KIF26B: variants seen among roughly 807,000 people sequenced by gnomAD.
KIF26B encodes kinesin family member 26B.
In KIF26B, 63 loss-of-function variants were observed where a neutral mutation model predicts 151.2. That is an observed-to-expected ratio of 0.42 (90% confidence interval 0.34 to 0.51). The LOEUF (loss-of-function observed/expected upper bound fraction) is 0.51, where lower values mean the gene tolerates loss of function less well. Among genes scored for constraint, KIF26B ranks in the 20% least tolerant of loss-of-function variants. KIF26B has a pLI of 0.07. For synonymous variants in KIF26B, 1,357 were observed against 1,262.1 expected (o/e 1.08, Z -1.59); for missense variants, 2,813 against 2,913.6 (o/e 0.97, Z 0.79).
intron 5 of KIF26B, among the ~76,000 whole-genome samples, chr1:245,592,203 C>T (rs1450002123): frequency 6.6e-6 from 1 of 152,226 alleles, no homozygotes; most frequent in African/African-American, 2.4e-5. Context: ...CATCGCTGCT[C>T]ATTATTTGCT....
At chr1:245,678,590 A>G (rs180738953) in intron 10 of KIF26B, among the ~76,000 whole-genome samples, 107 of 152,238 alleles carry the variant, frequency 7.0e-4, no homozygotes, top group East Asian at 2.1e-3. Context: ...CAGGCCTGGC[A>G]CAGTGGCTCA....
rs187377483 is a variant in KIF26B at position 245,684,678 on chromosome 1, C to T, written c.2421+283C>T. Among the ~76,000 whole-genome samples, 112 of 152,296 alleles carry T rather than the reference C, an allele frequency of 7.4e-4. 1 individual carries two copies. Among genetic ancestry groups the T allele is most frequent in the Non-Finnish European group, 9.0e-4 (61 of 68,008 alleles). ...CGCTTTAGAGAGTACAAATGGATTGCTACCTCAAGAGGAAAAACGTTGGAG... is the reference window on the plus strand; with the variant it reads ...CGCTTTAGAGAGTACAAATGGATTGTTACCTCAAGAGGAAAAACGTTGGAG... On this transcript the variant is annotated intron_variant, in intron 11 of 14. Transcript: ENST00000407071.
chr1:245,575,013 C>T (rs1343982508), intron 5 of KIF26B, among the ~76,000 whole-genome samples: 11 of 151,014 alleles, frequency 7.3e-5, no homozygotes, highest in Non-Finnish European at 1.2e-4. Flanking sequence ...TACAGGCGCC[C>T]GCCACCACAC....
At chr1:245,423,120 A>AGG (rs751875220) in intron 4 of KIF26B, among the ~76,000 whole-genome samples, 1 of 146,082 alleles carries the variant, frequency 6.8e-6, no homozygotes, top group Non-Finnish European at 1.5e-5. Context: ...AAAAAAGGAA[A>AGG]GAAAGAAAGA....
rs1344075930 is a variant in KIF26B, at chr1:245,239,439, G to A, written c.465+82756G>A. ...TATCAAAAACTTAATGCCATTAATA[G>A]GTGAAGAACACATTTTTGATTCATT... On this transcript the variant is annotated intron_variant, in intron 2 of 14. Transcript: ENST00000407071. The surrounding 1 kb of genome is among the most constrained non-coding windows in gnomAD (Gnocchi z 4.3). 6.6e-6 allele frequency among the ~76,000 whole-genome samples: 1 copy of A among 152,118 alleles called. No individual in the cohort carries two copies. Among genetic ancestry groups the A allele is most frequent in the Non-Finnish European group, 1.5e-5 (1 of 68,014 alleles).
intron 3 of KIF26B, among the ~76,000 whole-genome samples, chr1:245,391,364 A>C (rs916878021): frequency 6.6e-6 from 1 of 152,198 alleles, no homozygotes; most frequent in Non-Finnish European, 1.5e-5. Flanking sequence ...CAGTTATCTG[A>C]ATACTCCTAT....
chr1:245,528,639 C>T (rs1661295295), intron 4 of KIF26B, among the ~76,000 whole-genome samples: 2 of 152,342 alleles, frequency 1.3e-5, no homozygotes, highest in African/African-American at 2.4e-5. Flanking sequence ...CACGTGGCAT[C>T]AAAGGCAGTT....
intron 2 of KIF26B, among the ~76,000 whole-genome samples, chr1:245,326,396 C>A (rs1031504000): frequency 1.3e-5 from 2 of 152,210 alleles, no homozygotes; most frequent in African/African-American, 4.8e-5. Context: ...TTTGTTCAGC[C>A]TCTCACAAAT....
rs935826110 is a variant in KIF26B at position 245,572,332 on chromosome 1, A to G, written c.1351-30245A>G. Among the ~76,000 whole-genome samples, 4 of 152,148 alleles carry G rather than the reference A, an allele frequency of 2.6e-5. No individual in the cohort carries two copies. Among genetic ancestry groups the G allele is most frequent in the African/African-American group, 4.8e-5 (2 of 41,440 alleles). ...CTTTTGTGTTTCCGACACTGAGGAC[A>G]TTGAGGTTCTGGGGGATTCATCACT... On this transcript the variant is annotated intron_variant, in intron 5 of 14. Transcript: ENST00000407071. The surrounding 1 kb of genome is among the most constrained non-coding windows in gnomAD (Gnocchi z 4.2).
rs948980584 is a variant in KIF26B, at chr1:245,560,467, G to A, written c.1350+19517G>A. 4.6e-5 allele frequency among the ~76,000 whole-genome samples: 7 copies of A among 151,994 alleles called. No homozygotes were observed. Among genetic ancestry groups the A allele is most frequent in the East Asian group, 1.9e-4 (1 of 5,184 alleles). On this transcript the variant is annotated intron_variant, in intron 5 of 14. Transcript: ENST00000407071. This position sits in a 1 kb window ranked among gnomAD's most constrained non-coding sequence, Gnocchi z 4.3. ...TTAATTCTGCCATGACATTTGTGGCGGTTGTTTTAAGATTCAGAGATTACT... is the reference window on the plus strand; with the variant it reads ...TTAATTCTGCCATGACATTTGTGGCAGTTGTTTTAAGATTCAGAGATTACT...
chr1:245,354,762 G>A (rs763699475), intron 2 of KIF26B, among the ~76,000 whole-genome samples: 20 of 152,146 alleles, frequency 1.3e-4, no homozygotes, highest in Non-Finnish European at 2.1e-4. Flanking sequence ...GAGGAGAGCC[G>A]GCATTAGCTT....
intron 2 of KIF26B, among the ~76,000 whole-genome samples, chr1:245,260,444 CT>C: frequency 6.6e-6 from 1 of 152,186 alleles, no homozygotes; most frequent in Non-Finnish European, 1.5e-5. Flanking sequence ...ATTCAGGTAC[CT>C]GTAAGAAGAG....
At position 245,705,839 on chromosome 1, in the gene KIF26B, T is replaced by C. The variant is rs2044834014; in HGVS notation, c.*3233T>C. The C allele has an allele frequency of 6.6e-6, 1 of 152,200 alleles. No homozygotes were observed. The highest frequency in any genetic ancestry group is 2.4e-5 in the African/African-American group (1 of 41,456). The allele number at this position is 152,200 out of a possible 1,614,324, so 9.4% of individuals were successfully genotyped here. A position where few individuals can be genotyped will look rare whatever the true frequency, so the allele number is the denominator to read the frequency against. On this transcript the variant is annotated 3_prime_UTR_variant, in exon 15 of 15. Coordinates refer to ENST00000407071, the MANE Select transcript of KIF26B (RefSeq NM_018012.4). ...CAGTTCCCACCTGCGAGCTGCAAACTTTGATCTTGTTGTCCTTGAATTCCC... is the reference window on the plus strand; with the variant it reads ...CAGTTCCCACCTGCGAGCTGCAAACCTTGATCTTGTTGTCCTTGAATTCCC...
rs1374342058 is a variant in KIF26B, at chr1:245,634,889, C to CT, written c.2099-11225dup. On this transcript the variant is annotated intron_variant, in intron 9 of 14. Transcript: ENST00000407071. Reference sequence around the variant, plus strand: ...CACTGTGCCCAGCTAATTTTTTATACTTTTTTTGTAGTGATGAGGTCTTGC... The same window carrying CT: ...CACTGTGCCCAGCTAATTTTTTATACTTTTTTTTGTAGTGATGAGGTCTTGC... Among the ~76,000 whole-genome samples, 3 of 151,760 alleles carry CT rather than the reference C, an allele frequency of 2.0e-5. No homozygotes were observed. In the East Asian group the frequency reaches 5.8e-4, roughly 29 times the overall value.
chr1:245,325,214 T>TTA (rs1323930593), intron 2 of KIF26B, among the ~76,000 whole-genome samples: 1 of 152,124 alleles, frequency 6.6e-6, no homozygotes, highest in Admixed American at 6.6e-5. Context: ...CCATGCTTCT[T>TTA]TATATATATT....
At chr1:245,542,484 C>T (rs1036830817) in intron 5 of KIF26B, among the ~76,000 whole-genome samples, 1 of 152,218 alleles carries the variant, frequency 6.6e-6, no homozygotes, top group Non-Finnish European at 1.5e-5. Flanking sequence ...AAGTAAGACC[C>T]AAGGAGGCAG....
chr1:245,698,130 C>A lies in KIF26B; in HGVS notation c.5849C>A (p.Pro1950Gln), dbSNP rs966905289. 1 of 1,613,958 alleles carries A rather than the reference C, an allele frequency of 6.2e-7. No individual in the cohort carries two copies. The highest frequency in any genetic ancestry group is 1.3e-5 in the African/African-American group (1 of 75,056). Reference protein sequence around the residue: ...NPGSQRRRLIPALSLDTSSPV... With the variant: ...NPGSQRRRLIQALSLDTSSPV... ...GGTTCTCAGAGACGGAGGCTTATCC[C>A]AGCACTATCCCTGGACACCTCTTCC... is the stretch of plus-strand genomic sequence containing the variant. Residue 1950 changes from proline (P) to glutamine (Q), a missense_variant, in exon 13 of 15, where the codon CCA becomes CAA. Pro to Gln is a moderately conservative substitution (Grantham distance 76). Around this residue, in one of 3 missense-constraint regions of KIF26B, gnomAD observed 2,060 missense variants for 2,088.6 expected, o/e 0.99. Transcript: ENST00000407071. The surrounding 1 kb of genome is among the most constrained non-coding windows in gnomAD (Gnocchi z 4.0).
At position 245,670,245 on chromosome 1, in the gene KIF26B, CATATATATATATATATAT is replaced by C. The variant is rs10584392; in HGVS notation, c.2259-13969_2259-13952del. 3.6e-4 allele frequency among the ~76,000 whole-genome samples: 49 copies of C among 134,756 alleles called. 1 individual carries two copies. The highest frequency in any genetic ancestry group is 9.7e-4 in the African/African-American group (37 of 38,068). The allele number at this position is 134,756 out of a possible 152,430, so 88.4% of individuals were successfully genotyped here. A position where few individuals can be genotyped will look rare whatever the true frequency, so the allele number is the denominator to read the frequency against. On this transcript the variant is annotated intron_variant, in intron 10 of 14. Transcript: ENST00000407071. ...ATTCCATCGTATGCGTGTGTATATC[CATATATATATATATATAT>C]ATATATATATATATATATGCACACA... is the stretch of plus-strand genomic sequence containing the variant.
chr1:245,636,583 A>G (rs2043836888), intron 9 of KIF26B, among the ~76,000 whole-genome samples: 1 of 152,030 alleles, frequency 6.6e-6, no homozygotes, highest in Non-Finnish European at 1.5e-5. Flanking sequence ...ACTATTGAAT[A>G]CTAAAACTCA....
Sources: gnomAD v4.1 joint callset for allele counts (sites outside exome capture counted in the v4.1 genomes callset) on GRCh38, gnomAD v4.1.1 for gene constraint, gnomAD v4.1.1 regional missense constraint, Gnocchi (gnomAD v3.1) non-coding constraint, MANE v1.5 for transcripts, NCBI Gene and HGNC (gene_info 2026-07-23, HGNC 2026-07-21) for gene names.